Variants in ADAMTS18 observed in about 807,000 individuals in gnomAD.
The protein encoded by ADAMTS18 is ADAM metallopeptidase with thrombospondin type 1 motif 18.
In ADAMTS18, 157 loss-of-function variants were observed where a neutral mutation model predicts 165.9. The ratio of observed to expected loss-of-function variants is 0.95; its 90% CI spans 0.83 to 1.08. The LOEUF is 1.08. Ranked by LOEUF, ADAMTS18 falls within the 50% of genes least tolerant of loss-of-function variation. The probability of loss-of-function intolerance (pLI) is 0.00; values close to 1 mark genes in which losing one functional copy is unlikely to be tolerated. For synonymous variants in ADAMTS18, 782 were observed against 578.2 expected (o/e 1.35, Z -5.06); for missense variants, 2,040 against 1,534.0 (o/e 1.33, Z -5.51).
intron 3 of ADAMTS18, among the ~76,000 whole-genome samples, chr16:77,409,023 CT>C (rs1354042681): frequency 6.6e-6 from 1 of 151,532 alleles, no homozygotes; most frequent in East Asian, 1.9e-4. Context: ...TTATGTTAAA[CT>C]TTATCATAAG....
intron 3 of ADAMTS18, among the ~76,000 whole-genome samples, chr16:77,390,431 T>A (rs2057169675): frequency 6.6e-6 from 1 of 152,002 alleles, no homozygotes. Flanking sequence ...ATGGCTCACA[T>A]CTGTAATCCC....
intron 4 of ADAMTS18, among the ~76,000 whole-genome samples, chr16:77,366,135 C>G (rs1037500672): frequency 6.9e-6 from 1 of 145,512 alleles, no homozygotes; most frequent in African/African-American, 2.7e-5. Flanking sequence ...CTTAGTGATA[C>G]CAGTTCCTCT....
intron 13 of ADAMTS18, among the ~76,000 whole-genome samples, chr16:77,324,289 C>T (rs969220125): frequency 5.3e-5 from 8 of 152,224 alleles, no homozygotes; most frequent in Non-Finnish European, 1.2e-4. Flanking sequence ...TAGGAAGCAA[C>T]TGCAGCATCC....
chr16:77,431,523 C>T lies in ADAMTS18; in HGVS notation c.267G>A (p.Ser89=), dbSNP rs777631533. 1.4e-5 allele frequency: 23 copies of T among 1,614,012 alleles called. No individual in the cohort carries two copies. Among genetic ancestry groups the T allele is most frequent in the Admixed American group, 6.7e-5 (4 of 59,992 alleles). ...DILHNGRKKR[S]AQNARSSLHY... Reference sequence around the variant, plus strand: ...GCAGGGAGCTTCTGGCATTCTGCGCCGATCGCTTTTTCCTGCCGTTGTGCA... The same window carrying T: ...GCAGGGAGCTTCTGGCATTCTGCGCTGATCGCTTTTTCCTGCCGTTGTGCA... The change falls in exon 3 of 23, where the codon TCG becomes TCA. Residue 89 remains serine (S), a synonymous_variant. Coordinates refer to ENST00000282849, the MANE Select transcript of ADAMTS18 (RefSeq NM_199355.4).
chr16:77,421,971 C>T (rs746141871), intron 3 of ADAMTS18, among the ~76,000 whole-genome samples: 1 of 152,072 alleles, frequency 6.6e-6, no homozygotes. Context: ...TTTAATTAAT[C>T]CCTCTTCCCC....
chr16:77,331,302 G>T (rs1349301097), intron 12 of ADAMTS18, among the ~76,000 whole-genome samples: 1 of 151,880 alleles, frequency 6.6e-6, no homozygotes, highest in Non-Finnish European at 1.5e-5. Context: ...GTCTTTCTTG[G>T]GAAAATATTG....
At chr16:77,393,027 C>A (rs1253144580) in intron 3 of ADAMTS18, among the ~76,000 whole-genome samples, 2 of 152,080 alleles carry the variant, frequency 1.3e-5, no homozygotes, top group South Asian at 4.1e-4. Context: ...TCGATGGGTA[C>A]CATCAAAGGG....
At chr16:77,356,787 A>G (rs552869744) in intron 8 of ADAMTS18, among the ~76,000 whole-genome samples, 1 of 152,316 alleles carries the variant, frequency 6.6e-6, no homozygotes, top group African/African-American at 2.4e-5. Flanking sequence ...CTGTCTAGAA[A>G]TCATGCACAT....
chr16:77,317,050 C>T (rs571937269), intron 16 of ADAMTS18, among the ~76,000 whole-genome samples: 69 of 152,300 alleles, frequency 4.5e-4, no homozygotes, highest in Non-Finnish European at 8.7e-4. Context: ...CTTCAAGTTT[C>T]ACCTCACATG....
At chr16:77,412,907 G>C (rs538501492) in intron 3 of ADAMTS18, among the ~76,000 whole-genome samples, 33 of 152,120 alleles carry the variant, frequency 2.2e-4, no homozygotes, top group African/African-American at 7.2e-4. Flanking sequence ...ATGTTGCCCA[G>C]GCTGGTCTTG....
intron 19 of ADAMTS18, 109 bp downstream of exon 19, chr16:77,294,814 G>C (rs2055434274): frequency 2.8e-6 from 3 of 1,062,260 alleles, no homozygotes; most frequent in Non-Finnish European, 4.2e-6. Context: ...AACTCAGGGT[G>C]ATTTCCATGA....
intron 16 of ADAMTS18, among the ~76,000 whole-genome samples, chr16:77,310,573 T>C (rs2055761881): frequency 6.6e-6 from 1 of 152,208 alleles, no homozygotes; most frequent in Non-Finnish European, 1.5e-5. Flanking sequence ...GCTTGTTTTT[T>C]ACATTATTTA....
In ADAMTS18 at chr16:77,293,547, A is replaced by G. The variant is rs1356822790; in HGVS notation, c.3007-289T>C. ...GATTTACCCTCTGCTATAAAGGAAT[A>G]TATTCTCTCATTTGAAAGAACCCCT... On this transcript the variant is annotated intron_variant, in intron 19 of 22. Coordinates refer to ENST00000282849, the MANE Select transcript of ADAMTS18 (RefSeq NM_199355.4). Among the ~76,000 whole-genome samples, 9 of 152,062 alleles carry G rather than the reference A, an allele frequency of 5.9e-5. No homozygotes were observed. In the East Asian group the frequency reaches 1.5e-3, roughly 26 times the overall value.
chr16:77,361,094 TAAAA>T (rs35200412), intron 7 of ADAMTS18, among the ~76,000 whole-genome samples: 1 of 151,738 alleles, frequency 6.6e-6, no homozygotes, highest in Non-Finnish European at 1.5e-5. Context: ...CTCAAAAAAA[TAAAA>T]AAAATTCATA....
At chr16:77,293,321 A>AG in intron 19 of ADAMTS18, 63 bp from the exon 20 acceptor site, 1 of 1,345,698 alleles carries the variant, frequency 7.4e-7, no homozygotes, top group East Asian at 2.3e-5. Flanking sequence ...CATTAAAAAA[A>AG]AAAACAACAC....
chr16:77,409,881 A>G (rs752004164), intron 3 of ADAMTS18, among the ~76,000 whole-genome samples: 2 of 152,202 alleles, frequency 1.3e-5, no homozygotes, highest in African/African-American at 2.4e-5. Flanking sequence ...TAGTGCTAGA[A>G]AAGATTTATT....
At chr16:77,421,898 G>A (rs888445897) in intron 3 of ADAMTS18, among the ~76,000 whole-genome samples, 8 of 152,016 alleles carry the variant, frequency 5.3e-5, no homozygotes, top group African/African-American at 1.9e-4. Context: ...GTAATTAAAA[G>A]AATAAGATAG....
At chr16:77,300,455 G>A (rs774763484) in intron 16 of ADAMTS18, 51 bp from the exon 17 acceptor site, 24 of 1,595,196 alleles carry the variant, frequency 1.5e-5, no homozygotes, top group Non-Finnish European at 1.2e-5. Flanking sequence ...TCAGACCCTG[G>A]AATTCCAGAA....
chr16:77,402,582 A>G (rs922215734), intron 3 of ADAMTS18, among the ~76,000 whole-genome samples: 21 of 152,228 alleles, frequency 1.4e-4, no homozygotes, highest in Admixed American at 1.3e-3. Flanking sequence ...TAAGTCCCAC[A>G]TTTAGGCAGA....
Sources: allele counts gnomAD v4.1 joint callset (sites outside exome capture counted in the v4.1 genomes callset), GRCh38; gene constraint gnomAD v4.1.1; transcripts MANE v1.5; gene names NCBI Gene and HGNC (gene_info 2026-07-23, HGNC 2026-07-21).